Variants in FABP12 observed in about 807,000 individuals in gnomAD.
The protein encoded by FABP12 is fatty acid-binding protein 12.
Under a neutral mutation model 13.7 loss-of-function variants are expected in FABP12, and 19 were observed. That is an observed-to-expected ratio of 1.39 (90% CI 0.97 to 2.04). The LOEUF (loss-of-function observed/expected upper bound fraction) is 2.04, where lower values mean the gene tolerates loss of function less well. Among genes scored for constraint, FABP12 ranks in the 30% most tolerant of loss-of-function variants. FABP12 has a pLI of 0.00. For missense variants in FABP12, 182 were observed against 164.2 expected, an observed-to-expected ratio of 1.11 and a Z score of -0.59; for synonymous variants, 61 against 57.0, an observed-to-expected ratio of 1.07 and a Z score of -0.32.
chr8:81,536,324 G>A (rs915238332), upstream of FABP12, among the ~76,000 whole-genome samples: 1 of 152,188 alleles, frequency 6.6e-6, no homozygotes, highest in Non-Finnish European at 1.5e-5. Context: ...GAAAAGTATT[G>A]TGACTATATT....
intron 1 of FABP12, among the ~76,000 whole-genome samples, chr8:81,575,481 G>C (rs970494051): frequency 6.6e-6 from 1 of 152,096 alleles, no homozygotes; most frequent in Non-Finnish European, 1.5e-5. Flanking sequence ...TTTGTTCCAA[G>C]GTATAGTTAA....
intron 1 of FABP12, among the ~76,000 whole-genome samples, chr8:81,588,763 C>T (rs967448994): frequency 2.6e-5 from 4 of 152,190 alleles, no homozygotes; most frequent in East Asian, 3.8e-4. Context: ...TTTCCCCACT[C>T]AGTACAATAA....
chr8:81,577,961 G>C (rs1273303999), intron 1 of FABP12, among the ~76,000 whole-genome samples: 1 of 152,206 alleles, frequency 6.6e-6, no homozygotes, highest in Non-Finnish European at 1.5e-5. Context: ...AGGATTAGAT[G>C]ATGGAATCCT....
intron 1 of FABP12, among the ~76,000 whole-genome samples, chr8:81,549,479 C>T (rs922832579): frequency 3.3e-5 from 5 of 152,134 alleles, no homozygotes; most frequent in East Asian, 1.9e-4. Context: ...CAGTGTATAG[C>T]GTTGGTCAAT....
chr8:81,552,769 A>G (rs1273603237), intron 1 of FABP12, among the ~76,000 whole-genome samples: 7 of 152,126 alleles, frequency 4.6e-5, no homozygotes, highest in Non-Finnish European at 7.4e-5. Context: ...TGAATATTTG[A>G]AGAATTGATT....
upstream of FABP12, among the ~76,000 whole-genome samples, chr8:81,537,976 A>G (rs1043377426): frequency 6.6e-6 from 1 of 152,176 alleles, no homozygotes; most frequent in Admixed American, 6.5e-5. Flanking sequence ...TAATTGGTTC[A>G]TGGTTCTGCA....
chr8:81,573,688 T>C (rs1809975012), intron 1 of FABP12, among the ~76,000 whole-genome samples: 1 of 152,084 alleles, frequency 6.6e-6, no homozygotes, highest in Admixed American at 6.6e-5. Context: ...TATTCCCAAG[T>C]TTTGTTTTGT....
chr8:81,589,948 GACA>G (rs1158601656), intron 1 of FABP12, among the ~76,000 whole-genome samples: 1 of 152,156 alleles, frequency 6.6e-6, no homozygotes, highest in Non-Finnish European at 1.5e-5. Context: ...AAAAATTCCA[GACA>G]ACATTGTATT....
upstream of FABP12, among the ~76,000 whole-genome samples, chr8:81,535,929 C>T (rs1809210765): frequency 6.6e-6 from 1 of 152,140 alleles, no homozygotes; most frequent in Admixed American, 6.6e-5. Context: ...ATGTATGAAG[C>T]AGCACCCTTG....
chr8:81,568,289 C>T (rs560539639), intron 1 of FABP12, among the ~76,000 whole-genome samples: 154 of 151,862 alleles, frequency 1.0e-3, no homozygotes, highest in African/African-American at 3.7e-3. Flanking sequence ...GAAAAAAAAC[C>T]AATAATCTGA....
At chr8:81,536,948 A>C (rs1467082223), upstream of FABP12, among the ~76,000 whole-genome samples, 1 of 152,254 alleles carries the variant, frequency 6.6e-6, no homozygotes, top group Non-Finnish European at 1.5e-5. Context: ...CTTCACAGAA[A>C]AAATATTTGT....
At chr8:81,574,458 T>C (rs2400634) in intron 1 of FABP12, among the ~76,000 whole-genome samples, 87 of 152,266 alleles carry the variant, frequency 5.7e-4, no homozygotes, top group African/African-American at 1.9e-3. Flanking sequence ...AGGGTGATGC[T>C]GGCTTCATAG....
chr8:81,542,195 T>C lies in FABP12; in HGVS notation c.-184-2452A>G, dbSNP rs570929067. ...CGGGAGCTACTGGCCTTGACCTCCTTCTCTTGAGGAAAGGGAACGAAGTGA... is the reference window on the plus strand; with the variant it reads ...CGGGAGCTACTGGCCTTGACCTCCTCCTCTTGAGGAAAGGGAACGAAGTGA... On this transcript the variant is annotated intron_variant, in intron 1 of 5. Transcript: ENST00000692030. 2.4e-3 allele frequency among the ~76,000 whole-genome samples: 367 copies of C among 152,200 alleles called. 2 individuals are homozygous for C. The highest frequency in any genetic ancestry group is 4.1e-3 in the Non-Finnish European group (280 of 68,006).
intron 1 of FABP12, among the ~76,000 whole-genome samples, chr8:81,587,242 G>A (rs555197139): frequency 5.9e-5 from 9 of 152,190 alleles, no homozygotes; most frequent in East Asian, 1.9e-4. Context: ...TCCCAGGTTC[G>A]TTCTTTTTCT....
At chr8:81,558,913 A>C (rs1336444451) in intron 1 of FABP12, among the ~76,000 whole-genome samples, 2 of 146,010 alleles carry the variant, frequency 1.4e-5, no homozygotes, top group Non-Finnish European at 3.0e-5. Context: ...AAAAAAAAAG[A>C]AGTTGGATGA....
intron 1 of FABP12, among the ~76,000 whole-genome samples, chr8:81,589,475 T>C (rs1399589586): frequency 6.6e-6 from 1 of 151,950 alleles, no homozygotes; most frequent in African/African-American, 2.4e-5. Flanking sequence ...CACCTTCACC[T>C]CCCAGAAATC....
rs566320368 is a variant in FABP12, at chr8:81,577,497, G to A, written c.-185+12556C>T. Among the ~76,000 whole-genome samples, 7 of 152,162 alleles carry A rather than the reference G, an allele frequency of 4.6e-5. No individual in the cohort carries two copies. The East Asian group carries it at 5.8e-4, about 13-fold the overall frequency. ...CCAATGGCTGGGTGCAGTGGTTCAC[G>A]TCTGTAATCCCAGCACTTTGGGAGG... On this transcript the variant is annotated intron_variant, in intron 1 of 5. Transcript: ENST00000692030.
Position 81,580,112 on chromosome 8 carries a change from A to C in FABP12, c.-185+9941T>G, listed in dbSNP as rs561376313. On this transcript the variant is annotated intron_variant, in intron 1 of 5. Coordinates refer to the FABP12 transcript ENST00000692030. The stretch of plus-strand genomic sequence containing the variant: ...TTGACCTTACTGGTCAACAGCTGTC[A>C]GCTCCTGTAGAGCTCCATCAAGCAC... Among the ~76,000 whole-genome samples the C allele has an allele frequency of 3.3e-5, 5 of 152,318 alleles. No individual in the cohort carries two copies. The East Asian group carries it at 9.7e-4, about 29-fold the overall frequency.
chr8:81,556,569 C>CT (rs777165030), intron 1 of FABP12, among the ~76,000 whole-genome samples: 99 of 139,188 alleles, frequency 7.1e-4, no homozygotes, highest in Non-Finnish European at 1.2e-3. Flanking sequence ...TGGTAAAAGG[C>CT]TTTTTTTGTC....
Sources: allele counts gnomAD v4.1 joint callset (sites outside exome capture counted in the v4.1 genomes callset), GRCh38; gene constraint gnomAD v4.1.1; transcripts MANE v1.5; gene names NCBI Gene and HGNC (gene_info 2026-07-23, HGNC 2026-07-21).